Variants in RAD51B observed in about 807,000 individuals in gnomAD.
RAD51B encodes DNA repair protein RAD51 homolog 2.
Under a neutral mutation model 42.2 loss-of-function variants are expected in RAD51B, and 38 were observed. The ratio of observed to expected loss-of-function variants is 0.90; its 90% CI spans 0.70 to 1.18. RAD51B has a LOEUF of 1.18. RAD51B is among the 50% of genes most tolerant of loss of function. The pLI is 0.00. For synonymous variants in RAD51B, 154 were observed against 145.2 expected (o/e 1.06, Z -0.43); for missense variants, 373 against 400.7 (o/e 0.93, Z 0.59).
At position 67,851,859 on chromosome 14, in the gene RAD51B, G is replaced by C. The variant is rs193159482; in HGVS notation, c.316-13144G>C. Among the ~76,000 whole-genome samples the C allele has an allele frequency of 8.8e-4, 134 of 152,184 alleles. 1 individual carries two copies. Among genetic ancestry groups the C allele is most frequent in the East Asian group, 2.9e-3 (15 of 5,184 alleles). ...CTGCTACTCACTGAAGTGATTATGT[G>C]GGGGTAGGGGTGCCTGTGCTGGCGG... On this transcript the variant is annotated intron_variant, in intron 4 of 10. Transcript: ENST00000471583.
chr14:68,472,395 C>A (rs534863632), intron 10 of RAD51B, among the ~76,000 whole-genome samples: 5 of 152,270 alleles, frequency 3.3e-5, no homozygotes, highest in Admixed American at 2.6e-4. Flanking sequence ...CCCAGCTCTC[C>A]GGGAGCCCTC....
At chr14:68,204,359 T>C (rs2079545625) in intron 7 of RAD51B, among the ~76,000 whole-genome samples, 1 of 152,200 alleles carries the variant, frequency 6.6e-6, no homozygotes, top group Non-Finnish European at 1.5e-5. Flanking sequence ...AATACACATA[T>C]TTATCAATTA....
At chr14:68,256,167 T>C (rs2080750107) in intron 7 of RAD51B, among the ~76,000 whole-genome samples, 1 of 152,214 alleles carries the variant, frequency 6.6e-6, no homozygotes, top group Non-Finnish European at 1.5e-5. Context: ...AGATTTACCC[T>C]ATTTGGGTGT....
At chr14:67,827,807 A>G (rs1424830626) in intron 3 of RAD51B, among the ~76,000 whole-genome samples, 1 of 152,202 alleles carries the variant, frequency 6.6e-6, no homozygotes, top group Non-Finnish European at 1.5e-5. Context: ...TGCCCCTGCA[A>G]AGGACATAAT....
At chr14:68,354,320 G>A (rs1472611646) in intron 8 of RAD51B, among the ~76,000 whole-genome samples, 4 of 148,332 alleles carry the variant, frequency 2.7e-5, no homozygotes, top group Admixed American at 6.8e-5. Context: ...AGGTTCAAGC[G>A]ATTTTCCTGC....
chr14:67,874,298 C>T (rs1310844201), intron 5 of RAD51B, among the ~76,000 whole-genome samples: 1 of 152,146 alleles, frequency 6.6e-6, no homozygotes, highest in Non-Finnish European at 1.5e-5. Flanking sequence ...TATCTCCAGA[C>T]TATTTAACAA....
chr14:68,664,102 G>A lies in RAD51B; in HGVS notation c.*11+13246G>A, dbSNP rs778449828. Among the ~76,000 whole-genome samples, 200 of 152,136 alleles carry A rather than the reference G, an allele frequency of 1.3e-3. 5 individuals carry two copies. The highest frequency in any genetic ancestry group is 3.4e-4 in the Non-Finnish European group (23 of 68,024). ...ACCTCAGGTAATCTGCCCAAATCCT[G>A]CCCAAACAGGAGTAAGAAAAAATAA... On this transcript the variant is annotated intron_variant, in intron 11 of 11. Coordinates refer to the RAD51B transcript ENST00000488612.
intron 9 of RAD51B, among the ~76,000 whole-genome samples, chr14:68,420,068 A>G (rs1407548456): frequency 3.3e-5 from 5 of 152,232 alleles, no homozygotes; most frequent in African/African-American, 1.2e-4. Flanking sequence ...CCTTCAGCAT[A>G]GATCTGATCA....
intron 10 of RAD51B, among the ~76,000 whole-genome samples, chr14:68,577,485 A>G (rs757461022): frequency 1.3e-4 from 19 of 151,004 alleles, no homozygotes; most frequent in Non-Finnish European, 2.7e-4. Context: ...GCTTTTACTC[A>G]TTATTCATCT....
chr14:68,289,131 T>C (rs138752066), intron 7 of RAD51B, among the ~76,000 whole-genome samples: 90 of 152,346 alleles, frequency 5.9e-4, no homozygotes, highest in Middle Eastern at 3.4e-3. Context: ...TAGTGTTCTA[T>C]TGTTAGAACC....
At chr14:68,579,071 T>C (rs148226450) in intron 10 of RAD51B, among the ~76,000 whole-genome samples, 5 of 152,166 alleles carry the variant, frequency 3.3e-5, no homozygotes, top group Non-Finnish European at 7.4e-5. Flanking sequence ...CAGTCACTGA[T>C]GCCAGATTCA....
At chr14:68,680,355 A>G (rs1433050354) in intron 11 of RAD51B, among the ~76,000 whole-genome samples, 1 of 152,240 alleles carries the variant, frequency 6.6e-6, no homozygotes, top group Non-Finnish European at 1.5e-5. Flanking sequence ...TCTTCCCACC[A>G]TATGTGTAAT....
At chr14:67,962,681 C>G (rs1003045354) in intron 7 of RAD51B, among the ~76,000 whole-genome samples, 2 of 152,130 alleles carry the variant, frequency 1.3e-5, no homozygotes, top group Non-Finnish European at 2.9e-5. Context: ...TCTGTGAGAC[C>G]TTTCTGAAAA....
intron 7 of RAD51B, among the ~76,000 whole-genome samples, chr14:67,983,175 A>G (rs1176172283): frequency 6.6e-6 from 1 of 152,246 alleles, no homozygotes; most frequent in East Asian, 1.9e-4. Context: ...GTGAGGACTT[A>G]GAACCAAGTG....
At chr14:67,976,216 A>G (rs1371574910) in intron 7 of RAD51B, among the ~76,000 whole-genome samples, 10 of 151,926 alleles carry the variant, frequency 6.6e-5, no homozygotes, top group Admixed American at 6.6e-4. Context: ...TCCTGGGCTC[A>G]AGCAATCTTC....
At chr14:68,611,526 G>A in exon 11 of RAD51B, 2 of 476,506 alleles carry the variant, frequency 4.2e-6, no homozygotes, top group South Asian at 2.3e-5. Context: ...TATTGTAAAA[G>A]GATTGCTGAA....
intron 5 of RAD51B, among the ~76,000 whole-genome samples, chr14:67,877,604 G>A (rs1308857123): frequency 1.3e-5 from 2 of 152,094 alleles, no homozygotes; most frequent in East Asian, 3.8e-4. Context: ...TTTACACATT[G>A]AAAATATCTC....
chr14:68,621,583 G>T (rs1010635415), intron 10 of RAD51B, among the ~76,000 whole-genome samples: 1 of 152,208 alleles, frequency 6.6e-6, no homozygotes. Context: ...CTGTTTCCCT[G>T]GGGCAGAGCT....
At chr14:68,073,738 A>G (rs1338580415) in intron 7 of RAD51B, among the ~76,000 whole-genome samples, 2 of 152,158 alleles carry the variant, frequency 1.3e-5, no homozygotes, top group Non-Finnish European at 2.9e-5. Context: ...TAGGTAATAA[A>G]TTATCTTAGC....
Sources: allele counts gnomAD v4.1 joint callset (sites outside exome capture counted in the v4.1 genomes callset), GRCh38; gene constraint gnomAD v4.1.1; transcripts MANE v1.5; gene names NCBI Gene and HGNC (gene_info 2026-07-23, HGNC 2026-07-21).